The following SGCZ variants were observed in gnomAD, a reference collection of about 807,000 sequenced individuals.
The protein encoded by SGCZ is sarcoglycan zeta, also known as zeta-sarcoglycan.
A neutral mutation model predicts 41.3 loss-of-function variants in SGCZ; 40 were observed. The ratio of observed to expected loss-of-function variants is 0.97; its 90% confidence interval spans 0.75 to 1.26. The LOEUF (loss-of-function observed/expected upper bound fraction) is 1.26, where lower values mean the gene tolerates loss of function less well. SGCZ is among the 50% of genes most tolerant of loss of function. SGCZ has a pLI of 0.00. For synonymous variants in SGCZ, 206 were observed against 137.5 expected, an observed-to-expected ratio of 1.50 and a Z score of -3.49; for missense variants, 552 against 369.8, an observed-to-expected ratio of 1.49 and a Z score of -4.04.
At chr8:14,246,783 G>T (rs1236180841) in intron 3 of SGCZ, among the ~76,000 whole-genome samples, 1 of 150,194 alleles carries the variant, frequency 6.7e-6, no homozygotes, top group Non-Finnish European at 1.5e-5. Context: ...AGTGGCGGGC[G>T]CCTGTAGTCC....
intron 1 of SGCZ, among the ~76,000 whole-genome samples, chr8:15,001,728 C>CAAAAA (rs1223307583): frequency 1.2e-5 from 1 of 81,026 alleles, no homozygotes; most frequent in East Asian, 3.5e-4. Flanking sequence ...GACTCCGTCT[C>CAAAAA]AAAAAAAAAA....
At chr8:14,788,563 A>G (rs1800847409) in intron 1 of SGCZ, among the ~76,000 whole-genome samples, 2 of 152,342 alleles carry the variant, frequency 1.3e-5, no homozygotes, top group Admixed American at 1.3e-4. Flanking sequence ...ATCATGGAAC[A>G]TCAGTAATAA....
At chr8:14,548,394 T>A (rs1803696679) in intron 2 of SGCZ, among the ~76,000 whole-genome samples, 1 of 152,206 alleles carries the variant, frequency 6.6e-6, no homozygotes, top group African/African-American at 2.4e-5. Context: ...ATTCCCTGGC[T>A]ATATAACATT....
At chr8:14,846,701 TCCAAAAAAA>T (rs200197226) in intron 1 of SGCZ, among the ~76,000 whole-genome samples, 41,619 of 102,164 alleles carry the variant, frequency 0.41, 7,657 homozygotes, top group East Asian at 0.64. Flanking sequence ...ACCCTTTAAA[TCCAAAAAAA>T]AAAAAAAAAA....
intron 1 of SGCZ, among the ~76,000 whole-genome samples, chr8:15,074,762 C>A (rs1003911604): frequency 2.2e-4 from 34 of 152,142 alleles, no homozygotes; most frequent in African/African-American, 8.2e-4. Context: ...CTTTTGCCCT[C>A]CTCCTCTTGG....
At chr8:15,179,041 T>A (rs1800082286) in intron 1 of SGCZ, among the ~76,000 whole-genome samples, 1 of 152,152 alleles carries the variant, frequency 6.6e-6, no homozygotes. Flanking sequence ...ACTAAAAAAC[T>A]ACGTATTATA....
chr8:14,952,127 G>A (rs1189758219), intron 1 of SGCZ, among the ~76,000 whole-genome samples: 1 of 151,960 alleles, frequency 6.6e-6, no homozygotes, highest in Non-Finnish European at 1.5e-5. Context: ...TATAGTTTCA[G>A]ACCTAGATAA....
chr8:14,171,223 C>T lies in SGCZ; in HGVS notation c.425-6521G>A, dbSNP rs117971782. Among the ~76,000 whole-genome samples the T allele has an allele frequency of 2.7e-3, 393 of 147,880 alleles. 3 individuals are homozygous for T. The highest frequency in any genetic ancestry group is 0.025 in the Middle Eastern group (7 of 278). Reference sequence around the variant, plus strand: ...ATTTATCATCCCTGGTCTTCGGCTACATTTTGACACATGTATCAGGGTAGT... The same window carrying T: ...ATTTATCATCCCTGGTCTTCGGCTATATTTTGACACATGTATCAGGGTAGT... On this transcript the variant is annotated intron_variant, in intron 4 of 7. Coordinates refer to ENST00000382080, the MANE Select transcript of SGCZ (RefSeq NM_139167.4).
chr8:14,904,358 C>G (rs905681000), intron 1 of SGCZ, among the ~76,000 whole-genome samples: 1 of 151,996 alleles, frequency 6.6e-6, no homozygotes, highest in African/African-American at 2.4e-5. Flanking sequence ...CTAAACATCT[C>G]AATCCTTTCC....
intron 1 of SGCZ, among the ~76,000 whole-genome samples, chr8:15,034,687 C>A (rs1255768569): frequency 6.6e-6 from 1 of 151,932 alleles, no homozygotes; most frequent in African/African-American, 2.4e-5. Context: ...AGTATAAAAC[C>A]AAGAGAGGAC....
chr8:14,731,580 A>G (rs1810240939), intron 1 of SGCZ, among the ~76,000 whole-genome samples: 1 of 152,164 alleles, frequency 6.6e-6, no homozygotes, highest in Admixed American at 6.5e-5. Flanking sequence ...TAATTCAACA[A>G]TACTTGTAGA....
In SGCZ at chr8:15,216,533, T is replaced by C. The variant is rs141441247; in HGVS notation, c.39+21052A>G. ...CCGCACCTGGCCAGCTTATTCTTTC[T>C]AAAGGATGTTGGACGTAACAAAGAC... On this transcript the variant is annotated intron_variant, in intron 1 of 7. Coordinates refer to ENST00000382080, the MANE Select transcript of SGCZ (RefSeq NM_139167.4). 1.6e-3 allele frequency among the ~76,000 whole-genome samples: 236 copies of C among 152,014 alleles called. 3 individuals carry two copies. The South Asian group carries it at 0.023, about 15-fold the overall frequency.
intron 2 of SGCZ, among the ~76,000 whole-genome samples, chr8:14,440,432 C>T (rs79380090): frequency 0.031 from 4,742 of 151,940 alleles, 225 homozygotes; most frequent in African/African-American, 0.11. Flanking sequence ...CACTTTTTTC[C>T]GCCTGGGTTT....
chr8:14,335,291 C>T (rs751304089), intron 2 of SGCZ, among the ~76,000 whole-genome samples: 16 of 152,088 alleles, frequency 1.1e-4, no homozygotes, highest in Non-Finnish European at 2.1e-4. Flanking sequence ...TGCAGAAATG[C>T]AATGGGTCAT....
intron 3 of SGCZ, among the ~76,000 whole-genome samples, chr8:14,309,901 T>C (rs911920593): frequency 3.3e-5 from 5 of 152,028 alleles, no homozygotes; most frequent in African/African-American, 1.2e-4. Context: ...TCAAAGAATA[T>C]ACAGTACACA....
At chr8:14,336,599 C>A (rs1802515106) in intron 2 of SGCZ, among the ~76,000 whole-genome samples, 1 of 152,108 alleles carries the variant, frequency 6.6e-6, no homozygotes, top group Non-Finnish European at 1.5e-5. Flanking sequence ...TCGCCAGTAT[C>A]TGTTATGTTA....
chr8:15,008,067 C>G (rs922531373), intron 1 of SGCZ, among the ~76,000 whole-genome samples: 38 of 151,916 alleles, frequency 2.5e-4, no homozygotes, highest in African/African-American at 8.9e-4. Flanking sequence ...ATAAAAATAT[C>G]AAAAAAACTA....
At chr8:14,327,660 T>G (rs905615373) in intron 2 of SGCZ, among the ~76,000 whole-genome samples, 8 of 152,240 alleles carry the variant, frequency 5.3e-5, no homozygotes, top group Non-Finnish European at 1.2e-4. Context: ...TTTTGGAGTT[T>G]TCAGTCTTGA....
rs552081747 is a variant in SGCZ, at chr8:14,864,553, T to C, written c.40-309627A>G. Among the ~76,000 whole-genome samples, 11 of 152,292 alleles carry C rather than the reference T, an allele frequency of 7.2e-5. No homozygotes were observed. The South Asian group carries it at 1.2e-3, about 17-fold the overall frequency. ...GAATCTTGTGTCCCGGTGACTTGTA[T>C]TCACAAACAAATCAATTAATAATAA... is the stretch of plus-strand genomic sequence containing the variant. On this transcript the variant is annotated intron_variant, in intron 1 of 7. Coordinates refer to ENST00000382080, the MANE Select transcript of SGCZ (RefSeq NM_139167.4).
Sources: allele counts gnomAD v4.1 joint callset (sites outside exome capture counted in the v4.1 genomes callset), GRCh38; gene constraint gnomAD v4.1.1; transcripts MANE v1.5; gene names NCBI Gene and HGNC (gene_info 2026-07-23, HGNC 2026-07-21).